The following INPP4A variants were observed in gnomAD, a reference collection of about 807,000 sequenced individuals.
INPP4A encodes the protein inositol polyphosphate-4-phosphatase, type I, 107kD.
In INPP4A, 33 loss-of-function variants were observed where a neutral mutation model predicts 119.8. The ratio of observed to expected loss-of-function variants is 0.28; its 90% CI spans 0.21 to 0.37. The LOEUF (loss-of-function observed/expected upper bound fraction) is 0.37, where lower values mean the gene tolerates loss of function less well. Among genes scored for constraint, INPP4A ranks in the 10% least tolerant of loss-of-function variants. The probability of loss-of-function intolerance (pLI) is 1.00; values close to 1 mark genes in which losing one functional copy is unlikely to be tolerated. For missense variants in INPP4A, 956 were observed against 1,289.9 expected (o/e 0.74, Z 3.97); for synonymous variants, 496 against 500.7 (o/e 0.99, Z 0.12).
intron 4 of INPP4A, among the ~76,000 whole-genome samples, chr2:98,530,582 C>CCTG (rs1689036349): frequency 6.6e-6 from 1 of 152,144 alleles, no homozygotes; most frequent in Non-Finnish European, 1.5e-5. Context: ...TTTTAGAGTG[C>CCTG]TAGTGCTCCT....
intron 1 of INPP4A, among the ~76,000 whole-genome samples, chr2:98,505,756 T>C (rs1266875427): frequency 6.6e-6 from 1 of 152,164 alleles, no homozygotes; most frequent in Non-Finnish European, 1.5e-5. Context: ...GGAGGGTGCA[T>C]TTCCCCTTCC....
intron 14 of INPP4A, among the ~76,000 whole-genome samples, chr2:98,553,250 G>T (rs547259545): frequency 1.3e-5 from 2 of 152,232 alleles, no homozygotes; most frequent in East Asian, 1.9e-4. Context: ...TTTTGTTGAG[G>T]GTGATACAGT....
At position 98,577,444 on chromosome 2, in the gene INPP4A, C is replaced by T. The variant is rs144608307; in HGVS notation, c.2786+301C>T. On this transcript the variant is annotated intron_variant, in intron 24 of 24. Transcript: ENST00000409851. ...AGCTAAACGGGAAGCTGGGAAGCAG[C>T]CATGACATGCAGTGCCCTGTTGGCC... Among the ~76,000 whole-genome samples, 105 of 152,360 alleles carry T rather than the reference C, an allele frequency of 6.9e-4. 2 individuals are homozygous for T. In the East Asian group the frequency reaches 0.01, roughly 15 times the overall value.
chr2:98,535,284 C>A (rs1366314320), intron 5 of INPP4A, among the ~76,000 whole-genome samples: 1 of 152,238 alleles, frequency 6.6e-6, no homozygotes, highest in Non-Finnish European at 1.5e-5. Flanking sequence ...TAATAAACCA[C>A]TTAAGCCATT....
At chr2:98,492,774 G>T (rs1426345489) in intron 1 of INPP4A, among the ~76,000 whole-genome samples, 1 of 152,228 alleles carries the variant, frequency 6.6e-6, no homozygotes, top group Non-Finnish European at 1.5e-5. Context: ...GACTCACTGG[G>T]AAAACAGAGC....
chr2:98,555,725 CAGA>C lies in INPP4A; in HGVS notation c.1743_1745del (p.Glu581del). ...GACAGCCACGCCTACTGGATCAGAC[CAGA>C]AGACCCCTTCTGTGATGTCCCCTCC... is the stretch of plus-strand genomic sequence containing the variant. On this transcript the variant is annotated inframe_deletion, in exon 16 of 25. Transcript: ENST00000409851. 1 of 1,609,242 alleles carries C rather than the reference CAGA, an allele frequency of 6.2e-7. No individual in the cohort carries two copies. Among genetic ancestry groups the C allele is most frequent in the South Asian group, 1.1e-5 (1 of 90,386 alleles).
chr2:98,572,785 C>G (rs572251644), intron 22 of INPP4A, 30 bp from the exon 23 acceptor site: 1 of 1,491,860 alleles, frequency 6.7e-7, no homozygotes, highest in East Asian at 2.5e-5. Context: ...GGTGCGTCAC[C>G]CACTCCCACG....
At chr2:98,506,297 C>T (rs1684027902) in intron 1 of INPP4A, among the ~76,000 whole-genome samples, 1 of 152,254 alleles carries the variant, frequency 6.6e-6, no homozygotes, top group Non-Finnish European at 1.5e-5. Flanking sequence ...TCGGAAAGAG[C>T]ACTGGACTAG....
chr2:98,553,052 G>C, intron 14 of INPP4A, 83 bp downstream of exon 14: 1 of 1,099,714 alleles, frequency 9.1e-7, no homozygotes, highest in East Asian at 2.6e-5. Context: ...GTGTACCTAA[G>C]ATGGTCCACA....
chr2:98,527,810 G>A (rs1476874037), intron 4 of INPP4A, among the ~76,000 whole-genome samples: 1 of 152,180 alleles, frequency 6.6e-6, no homozygotes, highest in Non-Finnish European at 1.5e-5. Flanking sequence ...AGTCACTTCA[G>A]TGGCCACACA....
intron 13 of INPP4A, among the ~76,000 whole-genome samples, chr2:98,547,044 A>G (rs1016989654): frequency 2.0e-5 from 3 of 152,232 alleles, no homozygotes; most frequent in Non-Finnish European, 2.9e-5. Context: ...AGCCTGGAGC[A>G]TGTTGTTTCC....
chr2:98,460,777 G>T (rs1697008407), intron 1 of INPP4A, among the ~76,000 whole-genome samples: 1 of 152,170 alleles, frequency 6.6e-6, no homozygotes, highest in African/African-American at 2.4e-5. Context: ...ACAGGGCAGG[G>T]TGTCCCTGGC....
intron 21 of INPP4A, among the ~76,000 whole-genome samples, chr2:98,567,067 A>C (rs1478044897): frequency 6.6e-6 from 1 of 152,188 alleles, no homozygotes; most frequent in Admixed American, 6.5e-5. Context: ...GAGACACTGA[A>C]GAACTCTCAG....
At chr2:98,548,537 G>T (rs556710255) in intron 13 of INPP4A, among the ~76,000 whole-genome samples, 179 of 152,316 alleles carry the variant, frequency 1.2e-3, no homozygotes, top group African/African-American at 4.2e-3. Flanking sequence ...CCTTCTGGGG[G>T]TCTTTGTCCC....
chr2:98,549,251 G>C (rs1693047698), intron 13 of INPP4A, among the ~76,000 whole-genome samples: 1 of 152,130 alleles, frequency 6.6e-6, no homozygotes, highest in Non-Finnish European at 1.5e-5. Context: ...AAGAGGAAGG[G>C]CCCGACCCAG....
intron 16 of INPP4A, among the ~76,000 whole-genome samples, chr2:98,556,504 C>T (rs1249795895): frequency 2.0e-5 from 3 of 152,224 alleles, no homozygotes; most frequent in African/African-American, 4.8e-5. Context: ...AGCTGGGAAA[C>T]AGTCCCTGCA....
intron 14 of INPP4A, among the ~76,000 whole-genome samples, chr2:98,553,972 C>G (rs1430035162): frequency 6.6e-6 from 1 of 152,180 alleles, no homozygotes; most frequent in Non-Finnish European, 1.5e-5. Context: ...TCTCTGCAGG[C>G]CCCTCCCCTA....
chr2:98,478,944 C>T (rs938763130), intron 1 of INPP4A, among the ~76,000 whole-genome samples: 2 of 152,166 alleles, frequency 1.3e-5, no homozygotes, highest in Non-Finnish European at 2.9e-5. Context: ...TCGAAGATGG[C>T]AGGCTAGAGA....
At chr2:98,471,511 G>T (rs950984041) in intron 1 of INPP4A, among the ~76,000 whole-genome samples, 1 of 152,138 alleles carries the variant, frequency 6.6e-6, no homozygotes, top group Non-Finnish European at 1.5e-5. Flanking sequence ...TTTAAGCTCT[G>T]GTGGATGGAA....
Sources: allele counts gnomAD v4.1 joint callset (sites outside exome capture counted in the v4.1 genomes callset), GRCh38; gene constraint gnomAD v4.1.1; transcripts MANE v1.5; gene names NCBI Gene and HGNC (gene_info 2026-07-23, HGNC 2026-07-21).